Variants in PIGL observed in about 807,000 individuals in gnomAD.
The protein encoded by PIGL is N-acetylglucosaminyl-phosphatidylinositol de-N-acetylase.
In PIGL, 22 loss-of-function variants were observed where a neutral mutation model predicts 31.1. That is an observed-to-expected ratio of 0.71 (90% CI 0.51 to 1.01). The LOEUF is 1.01. Ranked by LOEUF, PIGL falls within the 50% of genes least tolerant of loss-of-function variation. The pLI is 0.00. For synonymous variants in PIGL, 131 were observed against 117.4 expected (o/e 1.12, Z -0.75); for missense variants, 302 against 315.9 (o/e 0.96, Z 0.33).
intron 1 of PIGL, among the ~76,000 whole-genome samples, chr17:16,224,654 T>C (rs1490024253): frequency 6.6e-6 from 1 of 151,692 alleles, no homozygotes; most frequent in Non-Finnish European, 1.5e-5. Context: ...GGAAAAATCT[T>C]GCTGACATTT....
intron 3 of PIGL, among the ~76,000 whole-genome samples, chr17:16,301,515 G>A (rs898802794): frequency 4.0e-5 from 6 of 150,814 alleles, no homozygotes; most frequent in Non-Finnish European, 7.4e-5. Flanking sequence ...TGCCTGCCTC[G>A]GCCTCCCAAG....
intron 1 of PIGL, among the ~76,000 whole-genome samples, chr17:16,224,099 C>A: frequency 6.6e-6 from 1 of 151,828 alleles, no homozygotes; most frequent in Non-Finnish European, 1.5e-5. Flanking sequence ...CCTGTAGTCC[C>A]AGCTACTCAG....
At chr17:16,321,678 T>G (rs189454207) in intron 6 of PIGL, among the ~76,000 whole-genome samples, 1 of 152,318 alleles carries the variant, frequency 6.6e-6, no homozygotes, top group East Asian at 1.9e-4. Flanking sequence ...TTATTATTTC[T>G]GTCCTACTTC....
Position 16,313,604 on chromosome 17 carries a change from G to A in PIGL, c.484G>A (p.Ala162Thr). Reference protein sequence around the residue: ...SGHSNHIALYAAVRALHSEGK... With the variant: ...SGHSNHIALYTAVRALHSEGK... ...CCACAGCAATCACATTGCTCTGTAT[G>A]CAGCTGTGAGGTATGATTCTCCGGG... Residue 162 changes from alanine (A) to threonine (T), a missense_variant, in exon 4 of 7, where the codon GCA becomes ACA. Coordinates refer to ENST00000225609, the MANE Select transcript of PIGL (RefSeq NM_004278.4). 1 of 1,612,328 alleles carries A rather than the reference G, an allele frequency of 6.2e-7. No individual in the cohort carries two copies.
chr17:16,312,338 G>A (rs1352908832), intron 3 of PIGL: 1 of 167,516 alleles, frequency 6.0e-6, no homozygotes, highest in Non-Finnish European at 1.3e-5. Flanking sequence ...GCAGGGCAGA[G>A]GCGCTCCCCA....
intron 2 of PIGL, among the ~76,000 whole-genome samples, chr17:16,250,920 A>G (rs2092768396): frequency 6.6e-6 from 1 of 152,180 alleles, no homozygotes; most frequent in Non-Finnish European, 1.5e-5. Context: ...TGCTTTCACA[A>G]AGGCAGTCTC....
chr17:16,322,890 C>T (rs1187805245), intron 6 of PIGL, among the ~76,000 whole-genome samples: 1 of 152,120 alleles, frequency 6.6e-6, no homozygotes, highest in African/African-American at 2.4e-5. Context: ...TTAAAATAGC[C>T]TCTAAGGATG....
rs1677462023 is a variant in PIGL, at chr17:16,317,148, G to A, written c.526+436G>A. The A allele has an allele frequency of 2.9e-6, 3 of 1,018,646 alleles. No individual in the cohort carries two copies. The South Asian group carries it at 1.2e-4, about 42-fold the overall frequency. 63.1% of individuals were successfully genotyped at this position (1,018,646 alleles called of 1,614,324 possible). A position where few individuals can be genotyped will look rare whatever the true frequency, so the allele number is the denominator to read the frequency against. ...TGACCATTTACTGCATGACCCCCAT[G>A]CTTAGCCTCTCTGGACCAGTTTCTG... On this transcript the variant is annotated intron_variant, in intron 5 of 6. Coordinates refer to ENST00000225609, the MANE Select transcript of PIGL (RefSeq NM_004278.4).
intron 2 of PIGL, among the ~76,000 whole-genome samples, chr17:16,292,032 C>CTTTTT (rs35568368): frequency 8.2e-6 from 1 of 122,250 alleles, no homozygotes; most frequent in African/African-American, 2.9e-5. Context: ...TAATGGAGCT[C>CTTTTT]TTTTTTTTTT....
At chr17:16,311,340 C>G (rs1324866466) in intron 3 of PIGL, among the ~76,000 whole-genome samples, 1 of 149,882 alleles carries the variant, frequency 6.7e-6, no homozygotes, top group African/African-American at 2.5e-5. Flanking sequence ...CAGAAAATCT[C>G]TATGACAATT....
At chr17:16,274,806 C>A (rs572070219) in intron 2 of PIGL, among the ~76,000 whole-genome samples, 48 of 148,934 alleles carry the variant, frequency 3.2e-4, no homozygotes, top group Middle Eastern at 7.5e-3. Context: ...CCGAGGGGGG[C>A]GGATCACCTA....
chr17:16,239,884 A>T (rs1216482228), intron 2 of PIGL, among the ~76,000 whole-genome samples: 1 of 152,046 alleles, frequency 6.6e-6, no homozygotes, highest in Non-Finnish European at 1.5e-5. Flanking sequence ...ACTCCTGAGT[A>T]GCTGGGACTA....
At chr17:16,310,864 A>G (rs1373548360) in intron 3 of PIGL, among the ~76,000 whole-genome samples, 2 of 152,192 alleles carry the variant, frequency 1.3e-5, no homozygotes, top group African/African-American at 4.8e-5. Context: ...GCTTGTAAAG[A>G]GCGTGGACTG....
chr17:16,265,652 A>AT (rs1208408685), intron 2 of PIGL, among the ~76,000 whole-genome samples: 1 of 151,956 alleles, frequency 6.6e-6, no homozygotes, highest in Non-Finnish European at 1.5e-5. Context: ...AGGCAGGAGA[A>AT]TCGCTTGAAC....
Position 16,264,825 on chromosome 17 carries a change from C to G in PIGL, c.335+30755C>G, listed in dbSNP as rs1307178515. On this transcript the variant is annotated intron_variant, in intron 2 of 6. Coordinates refer to ENST00000225609, the MANE Select transcript of PIGL (RefSeq NM_004278.4). ...CCACGTCTGGCTAATGGGGGTTTCA[C>G]CGTGTTGGCCAGGCTGGTCTGGAAC... 2.0e-5 allele frequency among the ~76,000 whole-genome samples: 3 copies of G among 151,538 alleles called. No homozygotes were observed. In the East Asian group the frequency reaches 5.9e-4, roughly 30 times the overall value.
intron 4 of PIGL, among the ~76,000 whole-genome samples, chr17:16,314,746 G>A (rs1483404325): frequency 6.6e-6 from 1 of 152,126 alleles, no homozygotes; most frequent in African/African-American, 2.4e-5. Context: ...TCAAATTCAG[G>A]AAAGAAACAT....
chr17:16,263,855 T>C (rs1568807015), intron 2 of PIGL, among the ~76,000 whole-genome samples: 1 of 145,766 alleles, frequency 6.9e-6, no homozygotes, highest in Non-Finnish European at 1.5e-5. Flanking sequence ...TTTTTTTTTT[T>C]TTTGAGACAG....
At chr17:16,249,381 A>G (rs2142723224) in intron 2 of PIGL, among the ~76,000 whole-genome samples, 1 of 152,354 alleles carries the variant, frequency 6.6e-6, no homozygotes, top group African/African-American at 2.4e-5. Flanking sequence ...CGGGAGGCTG[A>G]GACACAAGAA....
At chr17:16,299,334 A>G (rs563486099) in intron 2 of PIGL, among the ~76,000 whole-genome samples, 32 of 152,212 alleles carry the variant, frequency 2.1e-4, no homozygotes, top group Admixed American at 8.5e-4. Flanking sequence ...GGGTGCCTGT[A>G]ATCCCAGCTA....
Sources: allele counts gnomAD v4.1 joint callset (sites outside exome capture counted in the v4.1 genomes callset), GRCh38; gene constraint gnomAD v4.1.1; transcripts MANE v1.5; gene names NCBI Gene and HGNC (gene_info 2026-07-23, HGNC 2026-07-21).